Variants in ERC1 observed in about 807,000 individuals in gnomAD.
The protein encoded by ERC1 is ELKS/RAB6-interacting/CAST family member 1, also known as RAB6 interacting protein 2.
In ERC1, 56 loss-of-function variants were observed where a neutral mutation model predicts 132.0. The observed-to-expected ratio is 0.42, with a 90% CI of 0.34 to 0.53. The LOEUF (loss-of-function observed/expected upper bound fraction) is 0.53, where lower values mean the gene tolerates loss of function less well. ERC1 is among the 20% of genes least tolerant of loss of function. ERC1 has a pLI of 0.03. For synonymous variants in ERC1, 478 were observed against 476.1 expected (o/e 1.00, Z -0.05); for missense variants, 1,202 against 1,349.9 (o/e 0.89, Z 1.72).
chr12:1,243,031 C>G (rs559227076), intron 13 of ERC1, among the ~76,000 whole-genome samples: 189 of 150,566 alleles, frequency 1.3e-3, no homozygotes, highest in African/African-American at 4.3e-3. Context: ...ACTAAAAATA[C>G]AAAAAATTAG....
At chr12:1,453,563 A>G (rs1442433166) in intron 18 of ERC1, among the ~76,000 whole-genome samples, 1 of 152,242 alleles carries the variant, frequency 6.6e-6, no homozygotes, top group Non-Finnish European at 1.5e-5. Context: ...AATCTTAAAC[A>G]TGCATATTTT....
rs530949179 is a variant in ERC1 at position 1,243,209 on chromosome 12, A to G, written c.2487+6305A>G. Among the ~76,000 whole-genome samples, 759 of 123,214 alleles carry G rather than the reference A, an allele frequency of 6.2e-3. 8 individuals are homozygous for G. The highest frequency in any genetic ancestry group is 0.032 in the African/African-American group (715 of 22,586). The allele number at this position is 123,214 out of a possible 152,430, so 80.8% of individuals were successfully genotyped here. On this transcript the variant is annotated intron_variant, in intron 13 of 18. Coordinates refer to ENST00000360905, the MANE Select transcript of ERC1 (RefSeq NM_178040.4). ...ACTCCGTCTCAAAAAAAAAAAAAGAAAAAAAAAAAAGAAATCGAGAGATGA... is the reference window on the plus strand; with the variant it reads ...ACTCCGTCTCAAAAAAAAAAAAAGAGAAAAAAAAAAGAAATCGAGAGATGA...
intron 10 of ERC1, among the ~76,000 whole-genome samples, chr12:1,182,533 T>C (rs1206541765): frequency 6.6e-6 from 1 of 152,236 alleles, no homozygotes; most frequent in Non-Finnish European, 1.5e-5. Flanking sequence ...CCTCATGCTA[T>C]GTAATCAGAT....
intron 15 of ERC1, among the ~76,000 whole-genome samples, chr12:1,346,960 A>AAAAAAAAAAAAAAAAG (rs1006260266): frequency 4.7e-5 from 7 of 149,760 alleles, no homozygotes; most frequent in African/African-American, 1.7e-4. Flanking sequence ...AAAAAAAAAA[A>AAAAAAAAAAAAAAAAG]AGAGAGAGAT....
At chr12:1,113,684 A>G (rs564970201) in intron 6 of ERC1, among the ~76,000 whole-genome samples, 37 of 152,246 alleles carry the variant, frequency 2.4e-4, no homozygotes, top group Non-Finnish European at 4.6e-4. Flanking sequence ...TATATTGGCT[A>G]GAGGGAAGGT....
At chr12:1,299,994 G>A (rs1294204959) in intron 15 of ERC1, among the ~76,000 whole-genome samples, 1 of 152,078 alleles carries the variant, frequency 6.6e-6, no homozygotes, top group South Asian at 2.1e-4. Context: ...CCAAAAAAGA[G>A]CCCAAATAGC....
At chr12:1,363,417 A>G (rs1302480767) in intron 15 of ERC1, among the ~76,000 whole-genome samples, 3 of 152,208 alleles carry the variant, frequency 2.0e-5, no homozygotes, top group Non-Finnish European at 4.4e-5. Context: ...TTACTGAGCT[A>G]TAATCACCAG....
At chr12:1,030,506 T>G (rs891390718) in intron 2 of ERC1, among the ~76,000 whole-genome samples, 1 of 152,128 alleles carries the variant, frequency 6.6e-6, no homozygotes, top group Non-Finnish European at 1.5e-5. Context: ...TGCGGATTGG[T>G]TAAGGCCAGG....
At chr12:1,191,818 G>A (rs879446701) in intron 12 of ERC1, among the ~76,000 whole-genome samples, 14 of 150,202 alleles carry the variant, frequency 9.3e-5, no homozygotes, top group Admixed American at 6.7e-4. Context: ...TTATAATTTC[G>A]TTTTAGGATT....
intron 7 of ERC1, among the ~76,000 whole-genome samples, chr12:1,126,920 G>A (rs10773929): frequency 0.62 from 92,584 of 148,792 alleles, 30,834 homozygotes; most frequent in East Asian, 0.87. Flanking sequence ...CCCAGGAGGC[G>A]GAGGTTGCAG....
intron 16 of ERC1, among the ~76,000 whole-genome samples, chr12:1,393,266 G>A (rs911371367): frequency 5.9e-5 from 9 of 152,320 alleles, no homozygotes; most frequent in Admixed American, 2.0e-4. Context: ...GGTGGCTTAC[G>A]CCTGTAATCC....
intron 16 of ERC1, among the ~76,000 whole-genome samples, chr12:1,401,225 C>G (rs375737651): frequency 6.6e-6 from 1 of 151,912 alleles, no homozygotes; most frequent in Non-Finnish European, 1.5e-5. Flanking sequence ...TGAGCCACCG[C>G]GCCCAGCCCT....
chr12:1,410,031 C>T (rs551292665), intron 17 of ERC1, among the ~76,000 whole-genome samples: 1 of 152,246 alleles, frequency 6.6e-6, no homozygotes, highest in East Asian at 1.9e-4. Context: ...TTTAAATCAT[C>T]TCTAGATTAC....
rs565258892 is a variant in ERC1 at position 1,250,862 on chromosome 12, AC to A, written c.2488-12170del. ...TAACAAAGATAAGTATCTGAATTTA[AC>A]CTTGAAAGAGGTTGTTGTGAGAGAG... is the stretch of plus-strand genomic sequence containing the variant. On this transcript the variant is annotated intron_variant, in intron 13 of 18. Coordinates refer to ENST00000360905, the MANE Select transcript of ERC1 (RefSeq NM_178040.4). Among the ~76,000 whole-genome samples, 23 of 152,258 alleles carry A rather than the reference AC, an allele frequency of 1.5e-4. No homozygotes were observed. The South Asian group carries it at 4.8e-3, about 32-fold the overall frequency.
intron 2 of ERC1, among the ~76,000 whole-genome samples, chr12:1,082,588 T>C (rs560319169): frequency 6.6e-6 from 1 of 150,844 alleles, no homozygotes; most frequent in Non-Finnish European, 1.5e-5. Context: ...CCTCTCAAGT[T>C]CAAGCGATTC....
At chr12:1,160,114 CAA>C (rs1303300676) in intron 8 of ERC1, among the ~76,000 whole-genome samples, 21 of 152,150 alleles carry the variant, frequency 1.4e-4, no homozygotes. Context: ...ATTTGACTAA[CAA>C]ATCGTTTAGA....
At chr12:1,198,141 T>C (rs994049946) in intron 12 of ERC1, among the ~76,000 whole-genome samples, 1 of 152,132 alleles carries the variant, frequency 6.6e-6, no homozygotes, top group Non-Finnish European at 1.5e-5. Flanking sequence ...TAGCCTAGGC[T>C]GGTCTCGAAC....
intron 18 of ERC1, among the ~76,000 whole-genome samples, chr12:1,470,120 TA>T (rs113732773): frequency 0.038 from 5,276 of 138,008 alleles, 249 homozygotes; most frequent in African/African-American, 0.12. Flanking sequence ...AGATTTATAC[TA>T]AAAAAAAAAA....
chr12:1,463,868 G>A (rs962133747), intron 18 of ERC1, among the ~76,000 whole-genome samples: 4 of 151,962 alleles, frequency 2.6e-5, no homozygotes, highest in South Asian at 2.1e-4. Context: ...CCAATTGGAT[G>A]TTGAAATCTC....
Sources: allele counts gnomAD v4.1 joint callset (sites outside exome capture counted in the v4.1 genomes callset), GRCh38; gene constraint gnomAD v4.1.1; transcripts MANE v1.5; gene names NCBI Gene and HGNC (gene_info 2026-07-23, HGNC 2026-07-21).